Variants in DNHD1 observed in about 807,000 individuals in gnomAD.
DNHD1 encodes dynein heavy chain domain-containing protein 1.
In DNHD1, 383 loss-of-function variants were observed where a neutral mutation model predicts 458.1. That is an observed-to-expected ratio of 0.84 (90% CI 0.77 to 0.91). The LOEUF is 0.91. Among genes scored for constraint, DNHD1 ranks in the 40% least tolerant of loss-of-function variants. The pLI is 0.00. For synonymous variants in DNHD1, 2,203 were observed against 2,376.9 expected (o/e 0.93, Z 2.13); for missense variants, 5,336 against 5,866.1 (o/e 0.91, Z 2.95).
At chr11:6,559,589 G>A (rs1853543858) in intron 28 of DNHD1, among the ~76,000 whole-genome samples, 1 of 152,178 alleles carries the variant, frequency 6.6e-6, no homozygotes, top group African/African-American at 2.4e-5. Flanking sequence ...TTCCCATGGG[G>A]GTTGGGGCAG....
rs767595855 is a variant in DNHD1 at position 6,545,012 on chromosome 11, G to C, written c.4073G>C (p.Arg1358Pro). The change falls in exon 21 of 43, where the codon CGC becomes CCC. Residue 1358 changes from arginine to proline, a missense_variant. By Grantham distance (103) the Arg-to-Pro change is moderately radical. Coordinates refer to ENST00000254579, the MANE Select transcript of DNHD1 (RefSeq NM_144666.3). This position sits in a 1 kb window ranked among gnomAD's most constrained non-coding sequence, Gnocchi z 4.9. ...TATGGGGTGTGTGCTCACTTCCCCC[G>C]CCTCTTCTTCCTTAGTGACAGTGAG... ...VLYGVCAHFPRLFFLSDSELV... is the reference protein window; with the variant it reads ...VLYGVCAHFPPLFFLSDSELV... The C allele has an allele frequency of 6.4e-7, 1 of 1,551,784 alleles. No individual in the cohort carries two copies. The highest frequency in any genetic ancestry group is 8.7e-7 in the Non-Finnish European group (1 of 1,147,002).
At chr11:6,541,337 A>G (rs923751399) in intron 18 of DNHD1, among the ~76,000 whole-genome samples, 1 of 152,242 alleles carries the variant, frequency 6.6e-6, no homozygotes, top group African/African-American at 2.4e-5. Flanking sequence ...AGTGGTTGTT[A>G]CAATATTAGA....
In DNHD1 at chr11:6,565,933, T is replaced by A. The variant is rs1342624672; in HGVS notation, c.10995T>A (p.Ser3665Arg). The A allele has an allele frequency of 6.4e-7, 1 of 1,551,576 alleles. No homozygotes were observed. Among genetic ancestry groups the A allele is most frequent in the Non-Finnish European group, 8.7e-7 (1 of 1,146,978 alleles). ...AGCTTCCATCCCTTCCCTACCTTAG[T>A]GTTCTTTCAGGTGCTGACCCAGAGC... ...ETQLPSLPYLSVLSGADPELG... is the reference protein window; with the variant it reads ...ETQLPSLPYLRVLSGADPELG... Residue 3665 changes from serine (S) to arginine (R), a missense_variant, in exon 33 of 43, where the codon AGT becomes AGA. By Grantham distance (110) the Ser-to-Arg change is moderately radical (BLOSUM62 -1). Coordinates refer to ENST00000254579, the MANE Select transcript of DNHD1 (RefSeq NM_144666.3).
At chr11:6,559,449 C>G (rs1589893283) in intron 28 of DNHD1, among the ~76,000 whole-genome samples, 166 bp downstream of exon 28, 1 of 152,178 alleles carries the variant, frequency 6.6e-6, no homozygotes, top group Non-Finnish European at 1.5e-5. Context: ...AGCTTAGGTT[C>G]AAAAGTTTCC....
chr11:6,555,003 A>G (rs1853432137), intron 24 of DNHD1, among the ~76,000 whole-genome samples: 1 of 152,128 alleles, frequency 6.6e-6, no homozygotes, highest in Non-Finnish European at 1.5e-5. Flanking sequence ...TCTCCACCCA[A>G]ATGGCTCCAG....
At chr11:6,532,882 A>G in intron 12 of DNHD1, 145 bp from the exon 13 acceptor site, 1 of 754,786 alleles carries the variant, frequency 1.3e-6, no homozygotes, top group Non-Finnish European at 2.1e-6. Flanking sequence ...CTGACTGGAC[A>G]TTGAGCAGGG....
At chr11:6,535,444 G>A (rs1467691453) in intron 14 of DNHD1, among the ~76,000 whole-genome samples, 2 of 152,198 alleles carry the variant, frequency 1.3e-5, no homozygotes, top group African/African-American at 2.4e-5. Context: ...GCTCCTTAGA[G>A]AAATGGATGA....
rs1422055452 is a variant in DNHD1 at position 6,570,779 on chromosome 11, G to C, written c.13267G>C (p.Val4423Leu). ...GAGTGCGCTGCAGCGGAGTTCACCC[G>C]TGTGGGTTCCTGAGTCTCGAAGAGG... ...LLSALQRSSP[V>L]WVPESRRGAQ... is the part of the protein sequence containing the mutation. The change falls in exon 42 of 43, where the codon GTG (valine) becomes CTG (leucine). Residue 4423 changes from valine to leucine, a missense_variant. Transcript: ENST00000254579. The C allele has an allele frequency of 3.7e-6, 6 of 1,613,178 alleles. No individual in the cohort carries two copies. The Admixed American group carries it at 1.0e-4, about 27-fold the overall frequency.
intron 7 of DNHD1, among the ~76,000 whole-genome samples, chr11:6,517,652 C>T (rs11602271): frequency 0.033 from 1,946 of 59,088 alleles, 64 homozygotes; most frequent in South Asian, 0.063. Flanking sequence ...TCTAGGACTT[C>T]TTTTTTTTTT....
intron 24 of DNHD1, among the ~76,000 whole-genome samples, chr11:6,554,354 G>A (rs1853418107): frequency 9.2e-5 from 14 of 152,054 alleles, no homozygotes; most frequent in Admixed American, 9.2e-4. Flanking sequence ...CAGACCTAAA[G>A]CTAAAACTAT....
At chr11:6,531,354 C>G (rs2134410064) in intron 12 of DNHD1, among the ~76,000 whole-genome samples, 1 of 152,302 alleles carries the variant, frequency 6.6e-6, no homozygotes, top group Non-Finnish European at 1.5e-5. Context: ...CCTTGTCATT[C>G]TTCTGCCCCC....
intron 24 of DNHD1, among the ~76,000 whole-genome samples, chr11:6,551,167 A>G (rs565812639): frequency 1.3e-5 from 2 of 152,370 alleles, no homozygotes; most frequent in South Asian, 4.1e-4. Context: ...GACCATAACA[A>G]TACAAATATT....
At chr11:6,561,282 C>T (rs2345344) in intron 28 of DNHD1, among the ~76,000 whole-genome samples, 102,754 of 151,934 alleles carry the variant, frequency 0.68, 35,858 homozygotes, top group African/African-American at 0.85. Flanking sequence ...CAAAAAATTA[C>T]TCAGGCATGG....
Position 6,547,686 on chromosome 11 carries a change from G to A in DNHD1, c.6727+20G>A, listed in dbSNP as rs900460603. The A allele has an allele frequency of 6.6e-7, 1 of 1,508,180 alleles. No homozygotes were observed. Among genetic ancestry groups the A allele is most frequent in the South Asian group, 1.3e-5 (1 of 76,852 alleles). The allele number at this position is 1,508,180 out of a possible 1,614,324, so 93.4% of individuals were successfully genotyped here. ...GCCCAGGTGGGAAGATGGACGGGCT[G>A]GTTTGAGAGAGATGGGGCCTTAAGG... On this transcript the variant is annotated intron_variant, in intron 21 of 42. Coordinates refer to ENST00000254579, the MANE Select transcript of DNHD1 (RefSeq NM_144666.3).
At position 6,570,948 on chromosome 11, in the gene DNHD1, G is replaced by A; in HGVS notation, c.13436G>A (p.Arg4479Gln). Residue 4479 changes from arginine to glutamine, a missense_variant, in exon 42 of 43, where the codon CGG becomes CAG. Physicochemically the swap from Arg to Gln is conservative, Grantham distance 43. Around this residue, in one of 4 missense-constraint regions of DNHD1, gnomAD observed 698 missense variants for 664.9 expected, o/e 1.05. Transcript: ENST00000254579. ...PWSVLGPNAR[R>Q]PLEGVLETEA... ...TCAGTGCTGGGGCCAAATGCACGGC[G>A]GCCTCTGGAGGGCGTCTTAGAGACC... 3 of 1,608,052 alleles carry A rather than the reference G, an allele frequency of 1.9e-6. No homozygotes were observed. Among genetic ancestry groups the A allele is most frequent in the Non-Finnish European group, 2.6e-6 (3 of 1,175,110 alleles).
chr11:6,538,735 C>CGCAG lies in DNHD1; in HGVS notation c.3251_3254dup (p.Ser1085ArgfsTer9). On this transcript the variant is annotated frameshift_variant, in exon 16 of 43. Coordinates refer to ENST00000254579, the MANE Select transcript of DNHD1 (RefSeq NM_144666.3). ...CTGCATGCGCATCCTGGGGGAGTTT[C>CGCAG]GCAGCTACCTGCCCCTGCTCACTAA... 1 of 1,549,308 alleles carries CGCAG rather than the reference C, an allele frequency of 6.5e-7. No individual in the cohort carries two copies. The highest frequency in any genetic ancestry group is 1.2e-5 in the South Asian group (1 of 83,836).
At chr11:6,560,101 G>A (rs1450942336) in intron 28 of DNHD1, among the ~76,000 whole-genome samples, 1 of 152,186 alleles carries the variant, frequency 6.6e-6, no homozygotes, top group Non-Finnish European at 1.5e-5. Flanking sequence ...CTAAAGAGCA[G>A]TTTTGTTTTT....
At chr11:6,535,411 A>G in intron 14 of DNHD1, among the ~76,000 whole-genome samples, 1 of 152,170 alleles carries the variant, frequency 6.6e-6, no homozygotes, top group East Asian at 1.9e-4. Flanking sequence ...AACAAACACC[A>G]TTCCCCATTA....
rs1853068369 is a variant in DNHD1 at position 6,540,146 on chromosome 11, A to G, written c.3628+63A>G. ...GCTGGGGGCCATTTTCATCCACCATATCCATCAAGGCCTGCCAGATCTGAT... is the reference window on the plus strand; with the variant it reads ...GCTGGGGGCCATTTTCATCCACCATGTCCATCAAGGCCTGCCAGATCTGAT... On this transcript the variant is annotated intron_variant, in intron 18 of 42. Coordinates refer to ENST00000254579, the MANE Select transcript of DNHD1 (RefSeq NM_144666.3). 3 of 1,408,522 alleles carry G rather than the reference A, an allele frequency of 2.1e-6. No individual in the cohort carries two copies. The Admixed American group carries it at 6.0e-5, about 28-fold the overall frequency. The allele number at this position is 1,408,522 out of a possible 1,614,324, so 87.3% of individuals were successfully genotyped here.
Sources: gnomAD v4.1 joint callset for allele counts (sites outside exome capture counted in the v4.1 genomes callset) on GRCh38, gnomAD v4.1.1 for gene constraint, gnomAD v4.1.1 regional missense constraint, Gnocchi (gnomAD v3.1) non-coding constraint, MANE v1.5 for transcripts, NCBI Gene and HGNC (gene_info 2026-07-23, HGNC 2026-07-21) for gene names.